Variants in BLM observed in about 807,000 individuals in gnomAD.
The protein encoded by BLM is BLM RecQ like helicase.
In BLM, 95 loss-of-function variants were observed where a neutral mutation model predicts 135.3. The ratio of observed to expected loss-of-function variants is 0.70; its 90% CI spans 0.59 to 0.83. BLM has a LOEUF of 0.83. Among genes scored for constraint, BLM ranks in the 40% least tolerant of loss-of-function variants. The pLI is 0.00. For missense variants in BLM, 1,518 were observed against 1,663.9 expected (o/e 0.91, Z 1.53); for synonymous variants, 520 against 589.2 (o/e 0.88, Z 1.70).
At chr15:90,771,852 A>C (rs1896326973) in intron 12 of BLM, among the ~76,000 whole-genome samples, 1 of 152,190 alleles carries the variant, frequency 6.6e-6, no homozygotes, top group South Asian at 2.1e-4. Flanking sequence ...TTTGTGATTT[A>C]TGTTTGAGTA....
chr15:90,769,731 A>G, intron 12 of BLM, 145 bp downstream of exon 12: 1 of 973,562 alleles, frequency 1.0e-6, no homozygotes. Context: ...GATGGCAGCT[A>G]AATCAGAACG....
chr15:90,769,188 T>A lies in BLM; in HGVS notation c.2363T>A (p.Leu788His). The change falls in exon 11 of 22, where the codon CTC (leucine) becomes CAC (histidine). Residue 788 changes from leucine (L) to histidine (H), a missense_variant. Leu to His is a moderately conservative substitution (Grantham distance 99, BLOSUM62 -3). Coordinates refer to ENST00000355112, the MANE Select transcript of BLM (RefSeq NM_000057.4). ...STLENLYERK[L>H]LARFVIDEAH... ...CTGGAGAATCTCTATGAGAGGAAGCTCTTGGCACGTTTTGTTATTGATGAA... is the reference window on the plus strand; with the variant it reads ...CTGGAGAATCTCTATGAGAGGAAGCACTTGGCACGTTTTGTTATTGATGAA... The A allele has an allele frequency of 6.2e-7, 1 of 1,614,008 alleles. No individual in the cohort carries two copies. The highest frequency in any genetic ancestry group is 8.5e-7 in the Non-Finnish European group (1 of 1,179,818).
intron 12 of BLM, among the ~76,000 whole-genome samples, chr15:90,779,807 A>G (rs1264921131): frequency 1.3e-5 from 2 of 152,210 alleles, no homozygotes; most frequent in Non-Finnish European, 2.9e-5. Flanking sequence ...CTTTGTTCCT[A>G]GTTATTCTTC....
Position 90,815,099 on chromosome 15 carries a change from C to A in BLM, c.4077-3C>A. On this transcript the variant is annotated splice_region_variant and splice_polypyrimidine_tract_variant and intron_variant, in intron 21 of 21. Coordinates refer to ENST00000355112, the MANE Select transcript of BLM (RefSeq NM_000057.4). The surrounding 1 kb of genome is among the most constrained non-coding windows in gnomAD (Gnocchi z 4.6). Reference sequence around the variant, plus strand: ...TTTGATTTTTTTCTTTGTCACATTTCAGGGGGTCTGCCACATGTAGAAAGA... The same window carrying A: ...TTTGATTTTTTTCTTTGTCACATTTAAGGGGGTCTGCCACATGTAGAAAGA... The A allele has an allele frequency of 6.2e-7, 1 of 1,613,866 alleles. No individual in the cohort carries two copies. Among genetic ancestry groups the A allele is most frequent in the Non-Finnish European group, 8.5e-7 (1 of 1,180,010 alleles).
At chr15:90,735,508 A>G (rs1274489389) in intron 1 of BLM, among the ~76,000 whole-genome samples, 1 of 151,962 alleles carries the variant, frequency 6.6e-6, no homozygotes, top group Non-Finnish European at 1.5e-5. Flanking sequence ...TAGAATGGAA[A>G]GTCAATAATT....
chr15:90,809,332 G>A, intron 20 of BLM, 73 bp downstream of exon 20: 1 of 1,607,114 alleles, frequency 6.2e-7, no homozygotes, highest in Non-Finnish European at 8.5e-7. Context: ...GAATTAGAAG[G>A]ATGCAGTTGT....
chr15:90,779,873 T>G (rs963504105), intron 12 of BLM, among the ~76,000 whole-genome samples: 3 of 152,116 alleles, frequency 2.0e-5, no homozygotes, highest in African/African-American at 7.2e-5. Flanking sequence ...CTACCAAGGA[T>G]TTCTAGTGCT....
chr15:90,735,550 T>C (rs1555416722), intron 1 of BLM, among the ~76,000 whole-genome samples: 1 of 150,350 alleles, frequency 6.7e-6, no homozygotes, highest in Admixed American at 6.7e-5. Context: ...ATTTAGTGTA[T>C]GATAAAGGTA....
At chr15:90,788,756 T>C (rs1380239327) in intron 14 of BLM, among the ~76,000 whole-genome samples, 3 of 151,984 alleles carry the variant, frequency 2.0e-5, no homozygotes, top group African/African-American at 7.2e-5. Flanking sequence ...GAAGATCACT[T>C]GAGCCTAGGA....
chr15:90,720,132 C>G (rs1313718648), intron 1 of BLM, among the ~76,000 whole-genome samples: 2 of 152,154 alleles, frequency 1.3e-5, no homozygotes, highest in African/African-American at 4.8e-5. Flanking sequence ...TCAGACTTAT[C>G]TCGTTGCATT....
chr15:90,736,548 C>T (rs189047033), intron 1 of BLM, among the ~76,000 whole-genome samples: 11 of 152,148 alleles, frequency 7.2e-5, no homozygotes, highest in African/African-American at 2.4e-4. Flanking sequence ...TGTGAGCCAC[C>T]GTGCCCGGCC....
At chr15:90,795,499 C>T (rs1897008272) in intron 16 of BLM, among the ~76,000 whole-genome samples, 1 of 151,868 alleles carries the variant, frequency 6.6e-6, no homozygotes, top group Non-Finnish European at 1.5e-5. Flanking sequence ...AAGTTTAGTA[C>T]TCTCAGTAAG....
intron 5 of BLM, among the ~76,000 whole-genome samples, chr15:90,756,393 G>A (rs773028345): frequency 4.6e-5 from 7 of 152,268 alleles, no homozygotes; most frequent in Middle Eastern, 3.4e-3. Context: ...GTGAGCCACC[G>A]CGCCTGGCCC....
At chr15:90,748,076 G>C (rs1345738625) in intron 2 of BLM, among the ~76,000 whole-genome samples, 1 of 150,464 alleles carries the variant, frequency 6.6e-6, no homozygotes, top group Non-Finnish European at 1.5e-5. Flanking sequence ...AAAGTGCTGG[G>C]ATTACATGCA....
intron 17 of BLM, among the ~76,000 whole-genome samples, chr15:90,800,562 C>G (rs1897139968): frequency 1.3e-5 from 2 of 152,244 alleles, no homozygotes; most frequent in African/African-American, 4.8e-5. Flanking sequence ...CACCAGTAAT[C>G]CCAGCTAGTC....
Position 90,804,230 on chromosome 15 carries a change from G to A in BLM, c.3622G>A (p.Val1208Met). 6.2e-7 allele frequency: 1 copy of A among 1,614,156 alleles called. No individual in the cohort carries two copies. ...AAAACAAAAAGCGTTAGTAGCAAAA[G>A]TGTCTCAGAGGGAAGAGATGGTTAA... The part of the protein sequence containing the change: ...VKKQKALVAK[V>M]SQREEMVKKC... Residue 1208 changes from valine to methionine, a missense_variant, in exon 19 of 22, where the codon GTG (valine) becomes ATG (methionine). Coordinates refer to ENST00000355112, the MANE Select transcript of BLM (RefSeq NM_000057.4).
At chr15:90,782,112 G>A (rs1232970278) in intron 12 of BLM, among the ~76,000 whole-genome samples, 1 of 152,188 alleles carries the variant, frequency 6.6e-6, no homozygotes, top group Non-Finnish European at 1.5e-5. Context: ...GGTAGGCTGG[G>A]CCCGGTGGCT....
intron 4 of BLM, 106 bp downstream of exon 4, chr15:90,752,052 A>G: frequency 1.8e-6 from 2 of 1,109,922 alleles, no homozygotes; most frequent in African/African-American, 1.6e-5. Context: ...TGTGCTTTCT[A>G]CAATTATTTT....
In BLM at chr15:90,761,523, A is replaced by G. The variant is rs28385014; in HGVS notation, c.1882+268A>G. 0.012 allele frequency among the ~76,000 whole-genome samples: 1,761 copies of G among 152,300 alleles called. 43 individuals carry two copies. The highest frequency in any genetic ancestry group is 0.041 in the African/African-American group (1,689 of 41,562). ...AAATGTGATGTGCCTTTGAATTAAC[A>G]TTTTTTAGTTCCTAAAACAAACTCA... On this transcript the variant is annotated intron_variant, in intron 7 of 21. Coordinates refer to ENST00000355112, the MANE Select transcript of BLM (RefSeq NM_000057.4).
Sources: allele counts gnomAD v4.1 joint callset (sites outside exome capture counted in the v4.1 genomes callset), GRCh38; gene constraint gnomAD v4.1.1; non-coding constraint Gnocchi (gnomAD v3.1); transcripts MANE v1.5; gene names NCBI Gene and HGNC (gene_info 2026-07-23, HGNC 2026-07-21).